The following TIAM1 variants were observed in gnomAD, a reference collection of about 807,000 sequenced individuals.
The protein encoded by TIAM1 is TIAM Rac1 associated GEF 1.
Under a neutral mutation model 163.5 loss-of-function variants are expected in TIAM1, and 65 were observed. The observed-to-expected ratio is 0.40, with a 90% CI of 0.33 to 0.49. The LOEUF is 0.49. Among genes scored for constraint, TIAM1 ranks in the 20% least tolerant of loss-of-function variants. The pLI, the probability that TIAM1 is intolerant of heterozygous loss-of-function variation, is 0.77. For missense variants in TIAM1, 1,789 were observed against 2,044.7 expected (o/e 0.87, Z 2.41); for synonymous variants, 833 against 810.1 (o/e 1.03, Z -0.48).
At chr21:31,167,694 G>A (rs544775180) in intron 15 of TIAM1, among the ~76,000 whole-genome samples, 6 of 152,222 alleles carry the variant, frequency 3.9e-5, no homozygotes, top group South Asian at 2.1e-4. Context: ...TGTGCACTTC[G>A]TAGGTACACT....
Position 31,335,269 on chromosome 21 carries a change from A to C in TIAM1, c.-189+3974T>G, listed in dbSNP as rs2268229. Among the ~76,000 whole-genome samples, 75 of 152,188 alleles carry C rather than the reference A, an allele frequency of 4.9e-4. 2 individuals are homozygous for C. The East Asian group carries it at 0.014, about 29-fold the overall frequency. Reference sequence around the variant, plus strand: ...CATCTAAAAATAAAATGAGATCCCTAATTTTGCAGTTTTTAAAATATTACC... The same window carrying C: ...CATCTAAAAATAAAATGAGATCCCTCATTTTGCAGTTTTTAAAATATTACC... On this transcript the variant is annotated intron_variant, in intron 2 of 27. Transcript: ENST00000541036.
At chr21:31,368,019 C>T (rs1291290815) in intron 2 of TIAM1, among the ~76,000 whole-genome samples, 4 of 152,232 alleles carry the variant, frequency 2.6e-5, no homozygotes, top group Admixed American at 6.5e-5. Context: ...TCATGAGAGG[C>T]CTCTCAGTAT....
At chr21:31,375,853 A>C (rs558437948) in intron 2 of TIAM1, among the ~76,000 whole-genome samples, 72 of 151,954 alleles carry the variant, frequency 4.7e-4, no homozygotes, top group African/African-American at 1.4e-3. Flanking sequence ...ATGGTGAAAC[A>C]CCATCTCTAC....
intron 9 of TIAM1, among the ~76,000 whole-genome samples, chr21:31,213,868 A>G (rs77081796): frequency 1.4e-5 from 2 of 145,632 alleles, no homozygotes; most frequent in Non-Finnish European, 3.0e-5. Flanking sequence ...CATCTCTACA[A>G]AAAAAAAAAA....
intron 6 of TIAM1, among the ~76,000 whole-genome samples, chr21:31,226,465 CA>C (rs2087977187): frequency 6.6e-6 from 1 of 152,092 alleles, no homozygotes; most frequent in African/African-American, 2.4e-5. Context: ...GTCAGGTAGC[CA>C]GAAGAAATAC....
intron 6 of TIAM1, among the ~76,000 whole-genome samples, chr21:31,236,910 G>A (rs902157456): frequency 3.9e-5 from 6 of 152,146 alleles, no homozygotes; most frequent in African/African-American, 7.2e-5. Flanking sequence ...CCAAAGAGAC[G>A]TGGCAGGAGG....
intron 2 of TIAM1, among the ~76,000 whole-genome samples, chr21:31,442,295 C>T (rs1434105835): frequency 6.9e-6 from 1 of 145,094 alleles, no homozygotes; most frequent in Non-Finnish European, 1.5e-5. Context: ...TGCAGTGGCA[C>T]GATCTTGGCT....
chr21:31,120,052 G>T lies in TIAM1; in HGVS notation c.*316C>A. On this transcript the variant is annotated 3_prime_UTR_variant, in exon 28 of 28. Coordinates refer to ENST00000541036, the MANE Select transcript of TIAM1 (RefSeq NM_001353694.2). This position sits in a 1 kb window ranked among gnomAD's most constrained non-coding sequence, Gnocchi z 4.2. ...CTGTTGTACATCCGTTAACTCCTGG[G>T]GTGATTTGCTTTCCAGTGCTATAGA... is the stretch of plus-strand genomic sequence containing the variant. The T allele has an allele frequency of 3.9e-6, 1 of 253,694 alleles. No homozygotes were observed. Among genetic ancestry groups the T allele is most frequent in the Non-Finnish European group, 7.5e-6 (1 of 133,622 alleles). 15.7% of individuals were successfully genotyped at this position (253,694 alleles called of 1,614,324 possible).
chr21:31,316,110 T>C (rs2075116514), intron 2 of TIAM1, among the ~76,000 whole-genome samples: 1 of 152,168 alleles, frequency 6.6e-6, no homozygotes, highest in Non-Finnish European at 1.5e-5. Flanking sequence ...GGTGATCCAC[T>C]GTATTAAGAT....
At chr21:31,464,444 C>G (rs1438096513) in intron 1 of TIAM1, among the ~76,000 whole-genome samples, 1 of 152,104 alleles carries the variant, frequency 6.6e-6, no homozygotes, top group Non-Finnish European at 1.5e-5. Flanking sequence ...CGCAGTGGTT[C>G]ACACCCTAAT....
At chr21:31,552,851 T>C (rs995286701) in intron 1 of TIAM1, among the ~76,000 whole-genome samples, 6 of 152,042 alleles carry the variant, frequency 3.9e-5, no homozygotes, top group African/African-American at 7.2e-5. Flanking sequence ...GTAAGAATCA[T>C]CATAAAAAGG....
intron 2 of TIAM1, among the ~76,000 whole-genome samples, chr21:31,331,969 A>C (rs1373613600): frequency 1.3e-5 from 2 of 152,232 alleles, no homozygotes; most frequent in Non-Finnish European, 2.9e-5. Context: ...ATCCGTGTCT[A>C]ACATATCCAA....
In TIAM1 at chr21:31,432,091, C is replaced by CTTTTTTTTTTTT. The variant is rs11291911; in HGVS notation, c.-369+31880_-369+31891dup. ...TGAACATGTCAAAAATCTAAGATTC[C>CTTTTTTTTTTTT]TTTTTTTTTTTTTTTTTTTTTTTTT... is the stretch of plus-strand genomic sequence containing the variant. On this transcript the variant is annotated intron_variant, in intron 2 of 28. Coordinates refer to the TIAM1 transcript ENST00000286827. 1.4e-4 allele frequency among the ~76,000 whole-genome samples: 13 copies of CTTTTTTTTTTTT among 93,662 alleles called. 2 individuals carry two copies. The highest frequency in any genetic ancestry group is 5.1e-4 in the African/African-American group (11 of 21,778). 61.4% of individuals were successfully genotyped at this position (93,662 alleles called of 152,430 possible).
rs141881343 is a variant in TIAM1 at position 31,122,824 on chromosome 21, A to G, written c.4306+1698T>C. On this transcript the variant is annotated intron_variant, in intron 27 of 27. Transcript: ENST00000541036. ...TAGTATGCTTAAGAACCCGGCTACCATTATTGGGTTCTTCCCAGTCTTTCA... is the reference window on the plus strand; with the variant it reads ...TAGTATGCTTAAGAACCCGGCTACCGTTATTGGGTTCTTCCCAGTCTTTCA... Among the ~76,000 whole-genome samples the G allele has an allele frequency of 2.4e-3, 364 of 152,302 alleles. 2 individuals carry two copies. The highest frequency in any genetic ancestry group is 8.3e-3 in the African/African-American group (343 of 41,570).
intron 1 of TIAM1, among the ~76,000 whole-genome samples, chr21:31,491,370 G>C (rs2046463582): frequency 6.6e-6 from 1 of 152,178 alleles, no homozygotes; most frequent in Admixed American, 6.5e-5. Flanking sequence ...CTAACTGATA[G>C]AACCCTATAC....
At chr21:31,293,687 G>A (rs909524274) in intron 2 of TIAM1, among the ~76,000 whole-genome samples, 4 of 152,224 alleles carry the variant, frequency 2.6e-5, no homozygotes, top group East Asian at 1.9e-4. Context: ...CACAGTCTCC[G>A]GGGCATGAAG....
intron 2 of TIAM1, among the ~76,000 whole-genome samples, chr21:31,310,915 G>A (rs2074900826): frequency 6.6e-6 from 1 of 152,180 alleles, no homozygotes; most frequent in African/African-American, 2.4e-5. Flanking sequence ...TGCATTTTCG[G>A]ATATTTACAT....
chr21:31,467,370 C>A (rs1173033250), intron 1 of TIAM1, among the ~76,000 whole-genome samples: 1 of 152,146 alleles, frequency 6.6e-6, no homozygotes, highest in Non-Finnish European at 1.5e-5. Context: ...CAGTGGCTCA[C>A]ACCTGTAATC....
rs1219080900 is a variant in TIAM1, at chr21:31,425,693, TTC to T, written c.-369+38288_-369+38289del. Among the ~76,000 whole-genome samples the T allele has an allele frequency of 1.4e-4, 21 of 145,300 alleles. 1 individual carries two copies. Among genetic ancestry groups the T allele is most frequent in the Admixed American group, 9.7e-4 (14 of 14,484 alleles). On this transcript the variant is annotated intron_variant, in intron 2 of 28. Coordinates refer to the TIAM1 transcript ENST00000286827. The stretch of plus-strand genomic sequence containing the variant: ...TCTTTCTTTCTCTCTCTCTCTTTCT[TTC>T]TCTCTCTCTCTTCCTTTTTGAGACA...
Sources: gnomAD v4.1 joint callset for allele counts (sites outside exome capture counted in the v4.1 genomes callset) on GRCh38, gnomAD v4.1.1 for gene constraint, Gnocchi (gnomAD v3.1) non-coding constraint, MANE v1.5 for transcripts, NCBI Gene and HGNC (gene_info 2026-07-23, HGNC 2026-07-21) for gene names.